SUSD5: variants seen among roughly 807,000 people sequenced by gnomAD.
The protein encoded by SUSD5 is sushi domain containing 5.
In SUSD5, 33 loss-of-function variants were observed where a neutral mutation model predicts 29.5. The ratio of observed to expected loss-of-function variants is 1.12; its 90% confidence interval spans 0.85 to 1.49. The LOEUF (loss-of-function observed/expected upper bound fraction) is 1.49, where lower values mean the gene tolerates loss of function less well. Among genes scored for constraint, SUSD5 ranks in the 40% most tolerant of loss-of-function variants. The pLI is 0.00. For synonymous variants in SUSD5, 308 were observed against 325.3 expected (o/e 0.95, Z 0.57); for missense variants, 776 against 800.6 (o/e 0.97, Z 0.37).
rs1575544054 is a variant in SUSD5, at chr3:33,204,622, G to A, written c.409+3186C>T. Among the ~76,000 whole-genome samples, 1 of 108,702 alleles carries A rather than the reference G, an allele frequency of 9.2e-6. No homozygotes were observed. Among genetic ancestry groups the A allele is most frequent in the South Asian group, 3.8e-4 (1 of 2,628 alleles). The allele number at this position is 108,702 out of a possible 152,430, so 71.3% of individuals were successfully genotyped here. A position where few individuals can be genotyped will look rare whatever the true frequency, so the allele number is the denominator to read the frequency against. ...AGGCTTGAGCCACCACACCCGGCCT[G>A]TTTTATTTTGTTTTGTTTTGTTTTG... On this transcript the variant is annotated intron_variant, in intron 3 of 4. Transcript: ENST00000309558. The surrounding 1 kb of genome is among the most constrained non-coding windows in gnomAD (Gnocchi z 4.5).
intron 3 of SUSD5, among the ~76,000 whole-genome samples, chr3:33,183,131 C>A (rs2031707074): frequency 6.6e-6 from 1 of 152,166 alleles, no homozygotes; most frequent in Non-Finnish European, 1.5e-5. Flanking sequence ...TTTATACTTA[C>A]AGTGGGTTTC....
intron 2 of SUSD5, 23 bp from the exon 3 acceptor site, chr3:33,207,949 T>G (rs1306010994): frequency 5.1e-6 from 8 of 1,566,536 alleles, no homozygotes; most frequent in Non-Finnish European, 7.0e-6. Context: ...AAAAAGGCAC[T>G]GAATGAGGAA....
intron 3 of SUSD5, among the ~76,000 whole-genome samples, chr3:33,191,649 T>C (rs1041415132): frequency 2.0e-5 from 3 of 152,046 alleles, no homozygotes; most frequent in African/African-American, 7.2e-5. Flanking sequence ...TGTTTAAGAA[T>C]TTACACTCAG....
Position 33,207,862 on chromosome 3 carries a change from C to T in SUSD5, c.355G>A (p.Glu119Lys), listed in dbSNP as rs200194479. 6.2e-7 allele frequency: 1 copy of T among 1,614,000 alleles called. No homozygotes were observed. Among genetic ancestry groups the T allele is most frequent in the East Asian group, 2.2e-5 (1 of 44,880 alleles). ...QIMRAVDVRIESNPVPGGTYS... is the reference protein window; with the variant it reads ...QIMRAVDVRIKSNPVPGGTYS... ...GTGCCACCAGGAACTGGGTTGCTCT[C>T]AATTCTCACATCGACAGCTCTCATG... The change falls in exon 3 of 5, where the codon GAG becomes AAG. Residue 119 changes from glutamate to lysine, a missense_variant. Coordinates refer to ENST00000309558, the MANE Select transcript of SUSD5 (RefSeq NM_015551.2).
intron 4 of SUSD5, among the ~76,000 whole-genome samples, chr3:33,154,797 T>G (rs1382485533): frequency 2.6e-5 from 4 of 152,152 alleles, no homozygotes; most frequent in African/African-American, 9.7e-5. Context: ...AATGGAGGAA[T>G]AGACCATGAT....
intron 3 of SUSD5, among the ~76,000 whole-genome samples, chr3:33,177,820 T>C (rs2031583774): frequency 1.3e-5 from 2 of 152,270 alleles, no homozygotes; most frequent in African/African-American, 2.4e-5. Context: ...GGGATACATG[T>C]GCAGAACGTG....
At chr3:33,162,771 G>A (rs899580184) in intron 4 of SUSD5, among the ~76,000 whole-genome samples, 6 of 152,114 alleles carry the variant, frequency 3.9e-5, no homozygotes, top group African/African-American at 9.7e-5. Context: ...TGGCCAACAC[G>A]GTGAAACCCT....
chr3:33,161,005 GC>G (rs1054059986), intron 4 of SUSD5, among the ~76,000 whole-genome samples: 1 of 152,112 alleles, frequency 6.6e-6, no homozygotes, highest in African/African-American at 2.4e-5. Flanking sequence ...AACAATAAAA[GC>G]CGGAAGACAA....
rs1426151353 is a variant in SUSD5 at position 33,150,328 on chromosome 3, AAATT to A, written c.*2410_*2413del. 1 of 152,146 alleles carries A rather than the reference AAATT, an allele frequency of 6.6e-6. No individual in the cohort carries two copies. The highest frequency in any genetic ancestry group is 1.5e-5 in the Non-Finnish European group (1 of 68,018). 9.4% of individuals were successfully genotyped at this position (152,146 alleles called of 1,614,324 possible). A position where few individuals can be genotyped will look rare whatever the true frequency, so the allele number is the denominator to read the frequency against. On this transcript the variant is annotated 3_prime_UTR_variant, in exon 5 of 5. Transcript: ENST00000309558. ...TTTACCTGTATTAATAATTTGTAAT[AAATT>A]TATTAATACACTGTATTAATAATTT... is the stretch of plus-strand genomic sequence containing the variant.
At chr3:33,156,281 C>T (rs751857194) in intron 4 of SUSD5, among the ~76,000 whole-genome samples, 8 of 152,172 alleles carry the variant, frequency 5.3e-5, no homozygotes, top group Non-Finnish European at 1.0e-4. Flanking sequence ...CCTTGTGATC[C>T]GCCCATCTCG....
intron 1 of SUSD5, among the ~76,000 whole-genome samples, chr3:33,215,159 A>C (rs1204515688): frequency 2.6e-5 from 4 of 152,148 alleles, no homozygotes; most frequent in African/African-American, 9.7e-5. Flanking sequence ...ATTTAACTAC[A>C]AAAAGGTAGT....
intron 4 of SUSD5, among the ~76,000 whole-genome samples, chr3:33,158,118 G>A (rs1465091927): frequency 6.6e-6 from 1 of 152,210 alleles, no homozygotes; most frequent in African/African-American, 2.4e-5. Flanking sequence ...GTCTGCAACA[G>A]CTCAGATCCC....
intron 2 of SUSD5, 95 bp from the exon 3 acceptor site, chr3:33,208,021 G>A: frequency 1.2e-6 from 1 of 852,968 alleles, no homozygotes; most frequent in Non-Finnish European, 1.9e-6. Context: ...AATCAGCAGA[G>A]ATTTTTCTGA....
At chr3:33,164,802 G>C (rs181562672) in intron 4 of SUSD5, among the ~76,000 whole-genome samples, 1 of 152,156 alleles carries the variant, frequency 6.6e-6, no homozygotes, top group Non-Finnish European at 1.5e-5. Flanking sequence ...CTCAAATTAA[G>C]TGACATCACA....
chr3:33,178,451 TG>T (rs751122658), intron 3 of SUSD5, among the ~76,000 whole-genome samples: 19,024 of 148,550 alleles, frequency 0.13, 1,484 homozygotes, highest in South Asian at 0.25. Flanking sequence ...TTTTTGTTGT[TG>T]TTTTGTTTTT....
At chr3:33,202,455 GGGCAATAGA>G (rs1215931709) in intron 3 of SUSD5, among the ~76,000 whole-genome samples, 1 of 152,158 alleles carries the variant, frequency 6.6e-6, no homozygotes, top group Non-Finnish European at 1.5e-5. Context: ...CTGTTTTTAA[GGGCAATAGA>G]GGCAATCATA....
intron 1 of SUSD5, among the ~76,000 whole-genome samples, chr3:33,214,459 A>G (rs894762503): frequency 1.3e-5 from 2 of 151,970 alleles, no homozygotes; most frequent in African/African-American, 4.8e-5. Flanking sequence ...AGGTCACTTG[A>G]TGACTAAGGC....
intron 4 of SUSD5, among the ~76,000 whole-genome samples, chr3:33,161,575 G>GTGTC (rs1356334267): frequency 6.6e-6 from 1 of 152,056 alleles, no homozygotes; most frequent in Non-Finnish European, 1.5e-5. Context: ...AAGACAAAAG[G>GTGTC]TGTCAGCTTG....
intron 4 of SUSD5, among the ~76,000 whole-genome samples, chr3:33,156,512 C>T (rs1047691178): frequency 1.3e-5 from 2 of 152,182 alleles, no homozygotes; most frequent in African/African-American, 4.8e-5. Context: ...CAGGAAAGCT[C>T]AAGAAGCTGG....
Sources: allele counts gnomAD v4.1 joint callset (sites outside exome capture counted in the v4.1 genomes callset), GRCh38; gene constraint gnomAD v4.1.1; non-coding constraint Gnocchi (gnomAD v3.1); transcripts MANE v1.5; gene names NCBI Gene and HGNC (gene_info 2026-07-23, HGNC 2026-07-21).